THSD7A: variants seen among roughly 807,000 people sequenced by gnomAD.
THSD7A encodes the protein thrombospondin type 1 domain containing 7A.
A neutral mutation model predicts 231.3 loss-of-function variants in THSD7A; 96 were observed. That is an observed-to-expected ratio of 0.41 (90% CI 0.35 to 0.49). The LOEUF (loss-of-function observed/expected upper bound fraction) is 0.49, where lower values mean the gene tolerates loss of function less well. Among genes scored for constraint, THSD7A ranks in the 20% least tolerant of loss-of-function variants. THSD7A has a pLI of 0.05. For missense variants in THSD7A, 2,290 were observed against 2,070.2 expected, an observed-to-expected ratio of 1.11 and a Z score of -2.06; for synonymous variants, 940 against 743.3, an observed-to-expected ratio of 1.26 and a Z score of -4.30.
intron 6 of THSD7A, among the ~76,000 whole-genome samples, chr7:11,520,732 T>G (rs965306355): frequency 4.6e-5 from 7 of 152,222 alleles, no homozygotes; most frequent in Non-Finnish European, 8.8e-5. Flanking sequence ...CACTCCAGCT[T>G]TCATTTATGA....
At chr7:11,593,841 TA>T (rs1476780324) in intron 2 of THSD7A, among the ~76,000 whole-genome samples, 1 of 152,218 alleles carries the variant, frequency 6.6e-6, no homozygotes, top group African/African-American at 2.4e-5. Context: ...CAAGAACTGT[TA>T]ACATATGCTA....
chr7:11,546,202 G>GCGCGCGCGCACACA lies in THSD7A; in HGVS notation c.1454-3086_1454-3085insTGTGTGCGCGCGCG, dbSNP rs761841418. ...TCTGTTGTTGCTGGTGTGGGCGCGC[G>GCGCGCGCGCACACA]CTCACACACACACACACACACACAC... On this transcript the variant is annotated intron_variant, in intron 4 of 27. Coordinates refer to ENST00000423059, the MANE Select transcript of THSD7A (RefSeq NM_015204.3). Among the ~76,000 whole-genome samples, 25 of 129,452 alleles carry GCGCGCGCGCACACA rather than the reference G, an allele frequency of 1.9e-4. 1 individual carries two copies. Among genetic ancestry groups the GCGCGCGCGCACACA allele is most frequent in the South Asian group, 9.2e-4 (4 of 4,366 alleles). 84.9% of individuals were successfully genotyped at this position (129,452 alleles called of 152,430 possible). A position where few individuals can be genotyped will look rare whatever the true frequency, so the allele number is the denominator to read the frequency against.
At chr7:11,492,712 T>C (rs1006210623) in intron 6 of THSD7A, among the ~76,000 whole-genome samples, 2 of 152,086 alleles carry the variant, frequency 1.3e-5, no homozygotes, top group Non-Finnish European at 2.9e-5. Context: ...AATATAAATG[T>C]AGGAGACTGG....
chr7:11,558,286 T>C (rs1789932387), intron 4 of THSD7A, among the ~76,000 whole-genome samples: 1 of 152,180 alleles, frequency 6.6e-6, no homozygotes, highest in African/African-American at 2.4e-5. Context: ...TAGTGGCAAC[T>C]ACAGGAAAAA....
chr7:11,610,149 C>G (rs950702720), intron 2 of THSD7A, among the ~76,000 whole-genome samples: 1 of 152,118 alleles, frequency 6.6e-6, no homozygotes, highest in African/African-American at 2.4e-5. Flanking sequence ...ACTTTCCTCT[C>G]TGGAAGCCAC....
intron 1 of THSD7A, among the ~76,000 whole-genome samples, chr7:11,754,286 T>C (rs896723137): frequency 6.6e-6 from 1 of 151,920 alleles, no homozygotes; most frequent in Non-Finnish European, 1.5e-5. Flanking sequence ...GTAACGGAAG[T>C]GAGAACTCGA....
At chr7:11,557,566 A>C (rs1789900726) in intron 4 of THSD7A, among the ~76,000 whole-genome samples, 1 of 152,034 alleles carries the variant, frequency 6.6e-6, no homozygotes, top group African/African-American at 2.4e-5. Context: ...AAGACTCTAG[A>C]TCTTTTAAAA....
chr7:11,730,007 T>A (rs888173641), intron 1 of THSD7A, among the ~76,000 whole-genome samples: 1 of 151,732 alleles, frequency 6.6e-6, no homozygotes, highest in Admixed American at 6.6e-5. Context: ...ATGCTGAAAT[T>A]TTCAACATCA....
In THSD7A at chr7:11,411,141, C is replaced by T. The variant is rs1783770389; in HGVS notation, c.3798+66G>A. ...GCTGCATGGAGCACGGGTCACTTGG[C>T]TCAGCATGAATTGAAATTATTAGGG... On this transcript the variant is annotated intron_variant, in intron 19 of 27. Transcript: ENST00000423059. The surrounding 1 kb of genome is among the most constrained non-coding windows in gnomAD (Gnocchi z 4.1). 1 of 1,269,694 alleles carries T rather than the reference C, an allele frequency of 7.9e-7. No individual in the cohort carries two copies. Among genetic ancestry groups the T allele is most frequent in the African/African-American group, 1.5e-5 (1 of 68,434 alleles). The allele number at this position is 1,269,694 out of a possible 1,614,324, so 78.7% of individuals were successfully genotyped here. A position where few individuals can be genotyped will look rare whatever the true frequency, so the allele number is the denominator to read the frequency against.
chr7:11,791,217 T>A (rs1462986630), intron 1 of THSD7A, among the ~76,000 whole-genome samples: 1 of 151,974 alleles, frequency 6.6e-6, no homozygotes, highest in Non-Finnish European at 1.5e-5. Context: ...GAGATTACAG[T>A]CTAAAATCCT....
chr7:11,822,187 C>T (rs544792392), intron 1 of THSD7A, among the ~76,000 whole-genome samples: 5 of 152,226 alleles, frequency 3.3e-5, no homozygotes, highest in African/African-American at 9.6e-5. Flanking sequence ...TTCTCATCAT[C>T]CATCCTCCTC....
rs57740181 is a variant in THSD7A, at chr7:11,778,156, C to CAAAAAAAAAAA, written c.190+53590_190+53600dup. ...TGGGCGACAGAGCGAGACTCCGTCT[C>CAAAAAAAAAAA]AAAAAAAAAAAAAAAAAAAAAAGAA... On this transcript the variant is annotated intron_variant, in intron 1 of 27. Transcript: ENST00000423059. 3.8e-4 allele frequency among the ~76,000 whole-genome samples: 17 copies of CAAAAAAAAAAA among 45,052 alleles called. 1 individual carries two copies. The highest frequency in any genetic ancestry group is 1.6e-3 in the Admixed American group (5 of 3,132). 29.6% of individuals were successfully genotyped at this position (45,052 alleles called of 152,430 possible).
At chr7:11,556,051 A>G (rs892796912) in intron 4 of THSD7A, among the ~76,000 whole-genome samples, 1 of 151,716 alleles carries the variant, frequency 6.6e-6, no homozygotes, top group Non-Finnish European at 1.5e-5. Context: ...TGTTTTAATT[A>G]GTATACTTAG....
At chr7:11,421,887 G>C (rs969520615) in intron 16 of THSD7A, among the ~76,000 whole-genome samples, 2 of 151,942 alleles carry the variant, frequency 1.3e-5, no homozygotes, top group Non-Finnish European at 2.9e-5. Context: ...CTTTATTTTT[G>C]TTATTTTATA....
chr7:11,644,144 C>T (rs1782195456), intron 1 of THSD7A, among the ~76,000 whole-genome samples: 1 of 151,288 alleles, frequency 6.6e-6, no homozygotes, highest in Non-Finnish European at 1.5e-5. Flanking sequence ...TCACAATATC[C>T]TTCCCTGTTT....
intron 4 of THSD7A, among the ~76,000 whole-genome samples, chr7:11,569,654 C>G (rs766029546): frequency 6.6e-6 from 1 of 152,178 alleles, no homozygotes; most frequent in Non-Finnish European, 1.5e-5. Context: ...TACAATCTAG[C>G]AATCCTACTA....
chr7:11,493,642 T>G (rs1029467), intron 6 of THSD7A, among the ~76,000 whole-genome samples: 64,493 of 151,942 alleles, frequency 0.42, 13,939 homozygotes, highest in African/African-American at 0.48. Context: ...TTACATATAG[T>G]TATTTAATTG....
chr7:11,546,199 C>CACGT (rs1554335276), intron 4 of THSD7A, among the ~76,000 whole-genome samples: 1 of 101,820 alleles, frequency 9.8e-6, no homozygotes, highest in Non-Finnish European at 2.0e-5. Context: ...GGTGTGGGCG[C>CACGT]GCGCTCACAC....
rs543084722 is a variant in THSD7A, at chr7:11,615,902, A to T, written c.1022+20228T>A. Among the ~76,000 whole-genome samples the T allele has an allele frequency of 2.6e-5, 4 of 152,268 alleles. No individual in the cohort carries two copies. In the East Asian group the frequency reaches 7.7e-4, roughly 29 times the overall value. On this transcript the variant is annotated intron_variant, in intron 2 of 27. Coordinates refer to ENST00000423059, the MANE Select transcript of THSD7A (RefSeq NM_015204.3). ...GGAAACACACTCAGATTTAGATAATATTTATTTATGTCTTCTATTTTCTTC... is the reference window on the plus strand; with the variant it reads ...GGAAACACACTCAGATTTAGATAATTTTTATTTATGTCTTCTATTTTCTTC...
Sources: gnomAD v4.1 joint callset for allele counts (sites outside exome capture counted in the v4.1 genomes callset) on GRCh38, gnomAD v4.1.1 for gene constraint, Gnocchi (gnomAD v3.1) non-coding constraint, MANE v1.5 for transcripts, NCBI Gene and HGNC (gene_info 2026-07-23, HGNC 2026-07-21) for gene names.